HYCC2: variants seen among roughly 807,000 people sequenced by gnomAD.
The protein encoded by HYCC2 is hyccin PI4KA lipid kinase complex subunit 2.
chr2:201,012,025 ACAAT>A, the HYCC2 span, among the ~76,000 whole-genome samples: 1 of 152,234 alleles, frequency 6.6e-6, no homozygotes. Context: ...AATGATTAAA[ACAAT>A]CAAGCTAATT....
the HYCC2 span, among the ~76,000 whole-genome samples, chr2:201,031,369 C>T: frequency 1.3e-5 from 2 of 152,008 alleles, no homozygotes; most frequent in Non-Finnish European, 2.9e-5. Flanking sequence ...TTTTAAAAAT[C>T]GGCCGGGCAC....
the HYCC2 span, among the ~76,000 whole-genome samples, chr2:201,053,571 C>A: frequency 6.6e-6 from 1 of 152,162 alleles, no homozygotes; most frequent in Non-Finnish European, 1.5e-5. Context: ...TAGACATAGG[C>A]CAGCCAACAG....
chr2:201,044,323 A>G, the HYCC2 span, among the ~76,000 whole-genome samples: 1 of 152,184 alleles, frequency 6.6e-6, no homozygotes, highest in Non-Finnish European at 1.5e-5. Flanking sequence ...CCTGGCCCCA[A>G]GCAATCCTCC....
chr2:201,040,459 G>GTTTT, the HYCC2 span, among the ~76,000 whole-genome samples: 3 of 135,162 alleles, frequency 2.2e-5, no homozygotes, highest in Admixed American at 7.3e-5. Flanking sequence ...TATTGCTTTT[G>GTTTT]TTTTTTTTTT....
At chr2:200,997,405 T>C in the HYCC2 span, 1 of 1,341,824 alleles carries the variant, frequency 7.5e-7, no homozygotes, top group Non-Finnish European at 1.1e-6. Context: ...TAAATATCTA[T>C]CAAATAAATA....
the HYCC2 span, among the ~76,000 whole-genome samples, chr2:201,036,014 T>A: frequency 4.6e-5 from 7 of 152,042 alleles, no homozygotes; most frequent in East Asian, 9.6e-4. Context: ...CTGTCCCTAC[T>A]GGGGGGGTGC....
chr2:200,989,673 G>T, the HYCC2 span, among the ~76,000 whole-genome samples: 3 of 151,694 alleles, frequency 2.0e-5, no homozygotes, highest in Admixed American at 6.6e-5. Context: ...AATTTGCTGG[G>T]TGTGCTGGTA....
chr2:200,992,677 C>A, the HYCC2 span, among the ~76,000 whole-genome samples: 7 of 152,052 alleles, frequency 4.6e-5, no homozygotes, highest in East Asian at 1.2e-3. Context: ...TACAGAAAAC[C>A]TGACAATTTC....
chr2:200,981,460 C>G, the HYCC2 span: 1 of 1,614,184 alleles, frequency 6.2e-7, no homozygotes, highest in Non-Finnish European at 8.5e-7. The surrounding 1 kb of genome is among the most constrained non-coding windows in gnomAD (Gnocchi z 4.5). Context: ...AACCCCAATG[C>G]TGGTACTTGC....
chr2:201,001,508 A>G, the HYCC2 span, among the ~76,000 whole-genome samples: 2 of 152,342 alleles, frequency 1.3e-5, no homozygotes, highest in Middle Eastern at 6.8e-3. Context: ...ATTTAGTTAT[A>G]AAAAGAAAGT....
At chr2:200,982,882 C>T in the HYCC2 span, among the ~76,000 whole-genome samples, 4 of 152,210 alleles carry the variant, frequency 2.6e-5, no homozygotes, top group Admixed American at 2.0e-4. Context: ...CTCAGCCTCC[C>T]GAGTAGCTGG....
the HYCC2 span, among the ~76,000 whole-genome samples, chr2:201,008,738 TA>T: frequency 2.0e-5 from 3 of 148,578 alleles, no homozygotes; most frequent in Non-Finnish European, 3.0e-5. Context: ...CTACAAAAAA[TA>T]AAAAAAAAAT....
the HYCC2 span, among the ~76,000 whole-genome samples, chr2:201,035,705 G>C: frequency 2.0e-5 from 3 of 152,110 alleles, no homozygotes; most frequent in African/African-American, 7.2e-5. Context: ...CAGTTTTTCT[G>C]CTCTGTTTTT....
At chr2:201,049,436 G>A in the HYCC2 span, among the ~76,000 whole-genome samples, 216 of 150,800 alleles carry the variant, frequency 1.4e-3, no homozygotes, top group African/African-American at 5.1e-3. Flanking sequence ...TGCAACCTCC[G>A]CCTCCCGGGG....
At chr2:200,992,790 A>G in the HYCC2 span, 2 of 805,486 alleles carry the variant, frequency 2.5e-6, no homozygotes, top group East Asian at 5.0e-5. Flanking sequence ...CATGGAACAA[A>G]AGATTCAGTA....
chr2:201,031,293 A>T, the HYCC2 span, among the ~76,000 whole-genome samples: 2 of 152,224 alleles, frequency 1.3e-5, no homozygotes, highest in South Asian at 4.1e-4. Flanking sequence ...TTTTAAAACT[A>T]GCACAATGAA....
At chr2:201,008,455 C>CT in the HYCC2 span, among the ~76,000 whole-genome samples, 1 of 152,112 alleles carries the variant, frequency 6.6e-6, no homozygotes, top group East Asian at 1.9e-4. Flanking sequence ...TAGTTAACTA[C>CT]TAAGTGTAAG....
the HYCC2 span, among the ~76,000 whole-genome samples, chr2:201,049,779 T>C: frequency 6.6e-6 from 1 of 151,966 alleles, no homozygotes; most frequent in Non-Finnish European, 1.5e-5. Flanking sequence ...CTACAAATCA[T>C]TAACAACAAT....
the HYCC2 span, among the ~76,000 whole-genome samples, chr2:201,052,936 G>C: frequency 6.6e-6 from 1 of 152,174 alleles, no homozygotes; most frequent in African/African-American, 2.4e-5. Flanking sequence ...ACTACCAGAA[G>C]CCAGGAAAAG....
Sources: allele counts gnomAD v4.1 joint callset (sites outside exome capture counted in the v4.1 genomes callset), GRCh38; gene constraint gnomAD v4.1.1; non-coding constraint Gnocchi (gnomAD v3.1); transcripts MANE v1.5; gene names NCBI Gene and HGNC (gene_info 2026-07-23, HGNC 2026-07-21).